Variants in DNAJB2 observed in about 807,000 individuals in gnomAD.
The protein encoded by DNAJB2 is DnaJ heat shock protein family (Hsp40) member B2.
DNAJB2 carries 19 observed loss-of-function variants against 33.3 expected under a neutral mutation model. That is an observed-to-expected ratio of 0.57 (90% CI 0.40 to 0.84). DNAJB2 has a LOEUF of 0.84. Among genes scored for constraint, DNAJB2 ranks in the 40% least tolerant of loss-of-function variants. DNAJB2 has a pLI of 0.00. For synonymous variants in DNAJB2, 172 were observed against 164.6 expected, an observed-to-expected ratio of 1.04 and a Z score of -0.34; for missense variants, 368 against 430.9, an observed-to-expected ratio of 0.85 and a Z score of 1.29.
Position 219,279,920 on chromosome 2 carries a change from A to G in DNAJB2, c.65+22A>G. The stretch of plus-strand genomic sequence containing the variant: ...AGGCGTAAGTGCCTCCGTATGCAAC[A>G]GAAGACCTCTCACCCTCCACCCGCC... On this transcript the variant is annotated intron_variant, in intron 2 of 8. Transcript: ENST00000336576. The surrounding 1 kb of genome is among the most constrained non-coding windows in gnomAD (Gnocchi z 4.9). 6.2e-7 allele frequency: 1 copy of G among 1,613,570 alleles called. No homozygotes were observed. The highest frequency in any genetic ancestry group is 1.1e-5 in the South Asian group (1 of 91,052).
At position 219,286,375 on chromosome 2, in the gene DNAJB2, C is replaced by A. The variant is rs1574903362; in HGVS notation, c.*1388C>A. The A allele has an allele frequency of 4.5e-6, 1 of 224,266 alleles. No homozygotes were observed. Among genetic ancestry groups the A allele is most frequent in the Non-Finnish European group, 9.1e-6 (1 of 110,074 alleles). The allele number at this position is 224,266 out of a possible 1,614,324, so 13.9% of individuals were successfully genotyped here. A position where few individuals can be genotyped will look rare whatever the true frequency, so the allele number is the denominator to read the frequency against. On this transcript the variant is annotated 3_prime_UTR_variant, in exon 9 of 9. Transcript: ENST00000336576. Reference sequence around the variant, plus strand: ...TGTCTTTTGATTTATCCCTGTAGGGCTGGCAGGGTTGTAGATGAAGGGGGA... The same window carrying A: ...TGTCTTTTGATTTATCCCTGTAGGGATGGCAGGGTTGTAGATGAAGGGGGA...
intron 5 of DNAJB2, chr2:219,282,573 G>A: frequency 4.8e-6 from 2 of 419,080 alleles, no homozygotes; most frequent in Non-Finnish European, 8.4e-6. Flanking sequence ...GCGTCATGAT[G>A]ATTTGCCTGT....
chr2:219,280,766 C>A, intron 3 of DNAJB2, 79 bp downstream of exon 3: 1 of 1,045,548 alleles, frequency 9.6e-7, no homozygotes, highest in South Asian at 1.4e-5. Flanking sequence ...AAAGCAATGT[C>A]TCTGCCACCT....
Position 219,284,737 on chromosome 2 carries a change from C to T in DNAJB2, c.725C>T (p.Ser242Leu). The T allele has an allele frequency of 6.2e-7, 1 of 1,613,598 alleles. No individual in the cohort carries two copies. Among genetic ancestry groups the T allele is most frequent in the Non-Finnish European group, 8.5e-7 (1 of 1,179,984 alleles). The change falls in exon 9 of 9, where the codon TCA (serine) becomes TTA (leucine). Residue 242 changes from serine (S) to leucine (L), a missense_variant. Coordinates refer to ENST00000336576, the MANE Select transcript of DNAJB2 (RefSeq NM_006736.6). Reference sequence around the variant, plus strand: ...ACTCAGGTCCAGCAGACCCCTGCCTCATGCCCCTTGGACAGCGACCTCTCT... The same window carrying T: ...ACTCAGGTCCAGCAGACCCCTGCCTTATGCCCCTTGGACAGCGACCTCTCT... ...GGTQVQQTPA[S>L]CPLDSDLSED...
chr2:219,281,580 C>T, intron 3 of DNAJB2, 138 bp from the exon 4 acceptor site: 1 of 1,106,938 alleles, frequency 9.0e-7, no homozygotes. Flanking sequence ...TAGCCCGTGT[C>T]CCCTGGGTCC....
At chr2:219,282,246 CCAACAG>C in intron 5 of DNAJB2, 185 bp downstream of exon 5, 1 of 754,104 alleles carries the variant, frequency 1.3e-6, no homozygotes, top group Non-Finnish European at 2.2e-6. Flanking sequence ...CCCCCGTAAT[CCAACAG>C]TGACACTTCA....
At chr2:219,280,513 G>A (rs1203554500) in intron 2 of DNAJB2, 65 bp from the exon 3 acceptor site, 28 of 1,335,514 alleles carry the variant, frequency 2.1e-5, no homozygotes, top group Non-Finnish European at 2.9e-5. Context: ...CAGGTCGTTC[G>A]GTTCCTGGGT....
chr2:219,282,841 C>G lies in DNAJB2; in HGVS notation c.357C>G (p.Asp119Glu). 1 of 1,583,230 alleles carries G rather than the reference C, an allele frequency of 6.3e-7. No individual in the cohort carries two copies. Among genetic ancestry groups the G allele is most frequent in the Non-Finnish European group, 8.6e-7 (1 of 1,168,946 alleles). The change falls in exon 6 of 9, where the codon GAC (aspartate) becomes GAG (glutamate). Residue 119 changes from aspartate to glutamate, a missense_variant. Transcript: ENST00000336576. The stretch of plus-strand genomic sequence containing the variant: ...TAATCTGTTTACTTGTTGCAGATGA[C>G]CTGGGCCCCTTCTCAGAGCTTCAGA... ...SGDPFAELFDDLGPFSELQNR... is the reference protein window; with the variant it reads ...SGDPFAELFDELGPFSELQNR...
At chr2:219,281,227 G>GCA (rs556354173) in intron 3 of DNAJB2, 4,996 of 185,974 alleles carry the variant, frequency 0.027, 273 homozygotes, top group African/African-American at 0.11. Context: ...CACCTACCAG[G>GCA]CACACACACA....
intron 5 of DNAJB2, chr2:219,282,628 T>C (rs1031110032): frequency 2.0e-6 from 1 of 488,582 alleles, no homozygotes; most frequent in Non-Finnish European, 3.5e-6. Flanking sequence ...CCCTCCTTCC[T>C]TCCTTTATTC....
intron 5 of DNAJB2, chr2:219,282,582 G>A (rs1951915254): frequency 7.0e-6 from 3 of 427,174 alleles, no homozygotes; most frequent in South Asian, 4.5e-5. Flanking sequence ...TGATTTGCCT[G>A]TACTGAAAGA....
At position 219,285,100 on chromosome 2, in the gene DNAJB2, C is replaced by T; in HGVS notation, c.*113C>T. ...AGGAACTGCTTTCCAACTCCAAGCT[C>T]CCTCCACAAGTTTCCCTCCCAGGCC... is the stretch of plus-strand genomic sequence containing the variant. On this transcript the variant is annotated 3_prime_UTR_variant, in exon 9 of 9. Coordinates refer to ENST00000336576, the MANE Select transcript of DNAJB2 (RefSeq NM_006736.6). 1 of 1,391,512 alleles carries T rather than the reference C, an allele frequency of 7.2e-7. No individual in the cohort carries two copies. 86.2% of individuals were successfully genotyped at this position (1,391,512 alleles called of 1,614,324 possible). A position where few individuals can be genotyped will look rare whatever the true frequency, so the allele number is the denominator to read the frequency against.
Position 219,286,781 on chromosome 2 carries a change from G to T in DNAJB2, c.*1794G>T, listed in dbSNP as rs1951960924. On this transcript the variant is annotated 3_prime_UTR_variant, in exon 9 of 9. Transcript: ENST00000336576. Reference sequence around the variant, plus strand: ...CCTGGGGAGCCCAGTGGCCAGGGAGGGGAGTGGTGGAGCCAGTCGCTGTAA... The same window carrying T: ...CCTGGGGAGCCCAGTGGCCAGGGAGTGGAGTGGTGGAGCCAGTCGCTGTAA... 6.6e-6 allele frequency: 1 copy of T among 152,272 alleles called. No homozygotes were observed. The highest frequency in any genetic ancestry group is 1.5e-5 in the Non-Finnish European group (1 of 68,068). The allele number at this position is 152,272 out of a possible 1,614,324, so 9.4% of individuals were successfully genotyped here.
In DNAJB2 at chr2:219,285,876, A is replaced by G; in HGVS notation, c.*889A>G. On this transcript the variant is annotated 3_prime_UTR_variant, in exon 9 of 9. Coordinates refer to ENST00000336576, the MANE Select transcript of DNAJB2 (RefSeq NM_006736.6). ...CCATACTGCTTCCCTACCACAAATC[A>G]GGGCTCAGGGAGAGGCCATGCGGCC... is the stretch of plus-strand genomic sequence containing the variant. 1 of 1,525,004 alleles carries G rather than the reference A, an allele frequency of 6.6e-7. No individual in the cohort carries two copies. The allele number at this position is 1,525,004 out of a possible 1,614,324, so 94.5% of individuals were successfully genotyped here.
In DNAJB2 at chr2:219,281,987, C is replaced by G. The variant is rs768700590; in HGVS notation, c.278C>G (p.Thr93Ser). 6.2e-7 allele frequency: 1 copy of G among 1,614,220 alleles called. No individual in the cohort carries two copies. Among genetic ancestry groups the G allele is most frequent in the Non-Finnish European group, 8.5e-7 (1 of 1,180,048 alleles). The part of the protein sequence containing the change: ...AEAGSGGPGF[T>S]FTFRSPEEVF... ...GCTGGCAGTGGTGGGCCTGGCTTCA[C>G]CTTCACCTTCCGCAGCCCCGAGGAG... Residue 93 changes from threonine (T) to serine (S), a missense_variant, in exon 5 of 9, where the codon ACC becomes AGC. Physicochemically the swap from Thr to Ser is moderately conservative, Grantham distance 58. Transcript: ENST00000336576.
chr2:219,283,276 G>A (rs1951923723), intron 7 of DNAJB2, 41 bp downstream of exon 7: 2 of 1,612,584 alleles, frequency 1.2e-6, no homozygotes, highest in Non-Finnish European at 1.7e-6. Context: ...TGAGAGGTCT[G>A]CTGGGGAGCT....
At chr2:219,283,007 T>C in intron 6 of DNAJB2, 78 bp downstream of exon 6, 1 of 1,567,610 alleles carries the variant, frequency 6.4e-7, no homozygotes, top group Non-Finnish European at 8.7e-7. Flanking sequence ...TTTCCAAGCC[T>C]GTCTCCTGTG....
chr2:219,280,018 G>C (rs891806967), intron 2 of DNAJB2, 120 bp downstream of exon 2: 1 of 1,123,628 alleles, frequency 8.9e-7, no homozygotes, highest in East Asian at 2.4e-5. Context: ...GCACTGGGGT[G>C]CTTCTTCCGA....
At position 219,282,018 on chromosome 2, in the gene DNAJB2, C is replaced by T. The variant is rs1951909649; in HGVS notation, c.309C>T (p.Phe103=). ...TFTFRSPEEV[F]REFFGSGDPF... ...CCTTCCGCAGCCCCGAGGAGGTCTT[C>T]CGGGAATTCTTTGGGAGTGGAGACC... The change falls in exon 5 of 9, where the codon TTC becomes TTT. Residue 103 remains phenylalanine (F), a synonymous_variant. Transcript: ENST00000336576. 3 of 1,614,062 alleles carry T rather than the reference C, an allele frequency of 1.9e-6. No homozygotes were observed. The highest frequency in any genetic ancestry group is 1.3e-5 in the African/African-American group (1 of 74,916).
Sources: allele counts gnomAD v4.1 joint callset, GRCh38; gene constraint gnomAD v4.1.1; non-coding constraint Gnocchi (gnomAD v3.1); transcripts MANE v1.5; gene names NCBI Gene and HGNC (gene_info 2026-07-23, HGNC 2026-07-21).